Variants in BCAN observed in about 807,000 individuals in gnomAD.
The protein encoded by BCAN is brevican core protein.
A neutral mutation model predicts 92.4 loss-of-function variants in BCAN; 51 were observed. The observed-to-expected ratio is 0.55, with a 90% CI of 0.44 to 0.70. BCAN has a LOEUF of 0.70. Ranked by LOEUF, BCAN falls within the 30% of genes least tolerant of loss-of-function variation. The pLI, the probability that BCAN is intolerant of heterozygous loss-of-function variation, is 0.00. For missense variants in BCAN, 1,140 were observed against 1,212.1 expected (o/e 0.94, Z 0.88); for synonymous variants, 501 against 505.2 (o/e 0.99, Z 0.11).
At chr1:156,655,386 G>A (rs1679294515) in intron 8 of BCAN, among the ~76,000 whole-genome samples, 1 of 152,240 alleles carries the variant, frequency 6.6e-6, no homozygotes, top group Non-Finnish European at 1.5e-5. Flanking sequence ...CTGGAGGAGA[G>A]GGAGCCAGAA....
At chr1:156,655,326 G>C (rs532723466) in intron 8 of BCAN, among the ~76,000 whole-genome samples, 2 of 152,254 alleles carry the variant, frequency 1.3e-5, no homozygotes, top group Non-Finnish European at 2.9e-5. Flanking sequence ...GCTAGATCCA[G>C]GCAACAGATT....
Position 156,652,907 on chromosome 1 carries a change from G to T in BCAN, c.1942+15G>T. ...CCCCGCATCAGGTAATTCTGCCCAAGGCTCAACTGCCCTCTCTATCCTACT... is the reference window on the plus strand; with the variant it reads ...CCCCGCATCAGGTAATTCTGCCCAATGCTCAACTGCCCTCTCTATCCTACT... On this transcript the variant is annotated intron_variant, in intron 8 of 13. Coordinates refer to ENST00000329117, the MANE Select transcript of BCAN (RefSeq NM_021948.5). The T allele has an allele frequency of 6.2e-7, 1 of 1,613,054 alleles. No homozygotes were observed. The highest frequency in any genetic ancestry group is 1.3e-5 in the African/African-American group (1 of 75,028).
Position 156,647,755 on chromosome 1 carries a change from G to T in BCAN, c.641+73G>T, listed in dbSNP as rs914159738. On this transcript the variant is annotated intron_variant, in intron 4 of 13. Transcript: ENST00000329117. This position sits in a 1 kb window ranked among gnomAD's most constrained non-coding sequence, Gnocchi z 4.8. Reference sequence around the variant, plus strand: ...CATGGCCCCCCTTCTGCTGGGTGCTGCCTGCTGTGTCAGGCTGGACATGCA... The same window carrying T: ...CATGGCCCCCCTTCTGCTGGGTGCTTCCTGCTGTGTCAGGCTGGACATGCA... The T allele has an allele frequency of 1.1e-5, 17 of 1,557,434 alleles. No individual in the cohort carries two copies. The Admixed American group carries it at 1.7e-4, about 16-fold the overall frequency.
At chr1:156,656,148 C>A (rs561055002) in intron 8 of BCAN, 134 bp from the exon 9 acceptor site, 2 of 497,448 alleles carry the variant, frequency 4.0e-6, no homozygotes, top group East Asian at 3.5e-5. Context: ...CTAGGGAGAA[C>A]TTTTAGGGTG....
intron 5 of BCAN, 37 bp from the exon 6 acceptor site, chr1:156,648,531 A>G: frequency 6.5e-7 from 1 of 1,545,316 alleles, no homozygotes; most frequent in Non-Finnish European, 8.8e-7. Flanking sequence ...AGGAGCTACC[A>G]GCTGCCTGAT....
At chr1:156,645,676 A>G (rs1678938242) in intron 1 of BCAN, among the ~76,000 whole-genome samples, 1 of 152,200 alleles carries the variant, frequency 6.6e-6, no homozygotes, top group South Asian at 2.1e-4. Context: ...CTGAGCTCCT[A>G]CTGTCTGCCT....
rs749497630 is a variant in BCAN at position 156,648,127 on chromosome 1, G to A, written c.769+17G>A. The A allele has an allele frequency of 3.3e-5, 53 of 1,606,700 alleles. No homozygotes were observed. The highest frequency in any genetic ancestry group is 4.2e-5 in the Non-Finnish European group (49 of 1,173,938). On this transcript the variant is annotated intron_variant, in intron 5 of 13. Coordinates refer to ENST00000329117, the MANE Select transcript of BCAN (RefSeq NM_021948.5). Reference sequence around the variant, plus strand: ...ACCTAAATGGTGATTAGGAGTGAGAGGTTCCCAGGGGACAATTTCCTACTC... The same window carrying A: ...ACCTAAATGGTGATTAGGAGTGAGAAGTTCCCAGGGGACAATTTCCTACTC...
In BCAN at chr1:156,647,966, C is replaced by A. The variant is rs1224044069; in HGVS notation, c.642-17C>A. 1 of 1,612,148 alleles carries A rather than the reference C, an allele frequency of 6.2e-7. No individual in the cohort carries two copies. ...GTGAAAGCATCTGTACTAAGTGATT[C>A]TGTCCTTCCTCCCTAGGTATCCCAT... On this transcript the variant is annotated splice_polypyrimidine_tract_variant and intron_variant, in intron 4 of 13. Coordinates refer to ENST00000329117, the MANE Select transcript of BCAN (RefSeq NM_021948.5). This position sits in a 1 kb window ranked among gnomAD's most constrained non-coding sequence, Gnocchi z 4.8.
Position 156,646,835 on chromosome 1 carries a change from C to CT in BCAN, c.126_127insT (p.Ala43CysfsTer96). On this transcript the variant is annotated frameshift_variant, in exon 3 of 14. Coordinates refer to ENST00000329117, the MANE Select transcript of BCAN (RefSeq NM_021948.5). LOFTEE classifies it high-confidence loss of function. ...CTTTTCGCGTGCGCATCGCGGGCGACGCGCCACTGCAGGGCGTGCTCGGCG... is the reference window on the plus strand; with the variant it reads ...CTTTTCGCGTGCGCATCGCGGGCGACTGCGCCACTGCAGGGCGTGCTCGGCG... 1 of 1,582,552 alleles carries CT rather than the reference C, an allele frequency of 6.3e-7. No individual in the cohort carries two copies. The highest frequency in any genetic ancestry group is 8.6e-7 in the Non-Finnish European group (1 of 1,165,870).
In BCAN at chr1:156,647,437, T is replaced by C; in HGVS notation, c.467-71T>C. ...TTATTTACCCTTGTGTACAGAGGAG[T>C]GACAAGGAGGGTGAGGGGAGGCCAG... On this transcript the variant is annotated intron_variant, in intron 3 of 13. Coordinates refer to ENST00000329117, the MANE Select transcript of BCAN (RefSeq NM_021948.5). This position sits in a 1 kb window ranked among gnomAD's most constrained non-coding sequence, Gnocchi z 4.8. 1 of 1,413,714 alleles carries C rather than the reference T, an allele frequency of 7.1e-7. No individual in the cohort carries two copies. The allele number at this position is 1,413,714 out of a possible 1,614,324, so 87.6% of individuals were successfully genotyped here.
chr1:156,650,150 G>GTAA (rs201557237), intron 6 of BCAN, among the ~76,000 whole-genome samples: 4 of 151,666 alleles, frequency 2.6e-5, no homozygotes, highest in East Asian at 1.9e-4. Context: ...AGTAGTAGTA[G>GTAA]TAATAATAAT....
Position 156,652,635 on chromosome 1 carries a change from C to G in BCAN, c.1685C>G (p.Ala562Gly). The G allele has an allele frequency of 1.2e-6, 2 of 1,613,860 alleles. No individual in the cohort carries two copies. The highest frequency in any genetic ancestry group is 1.7e-6 in the Non-Finnish European group (2 of 1,179,808). Residue 562 changes from alanine to glycine, a missense_variant, in exon 8 of 14, where the codon GCA (alanine) becomes GGA (glycine). Transcript: ENST00000329117. ...CCATCACCTTCCACTCTGGTTGAGG[C>G]AAGAGAGGTGGGGGAGGCAACTGGT... Reference protein sequence around the residue: ...ASPSPSTLVEAREVGEATGGP... With the variant: ...ASPSPSTLVEGREVGEATGGP...
chr1:156,648,768 G>C lies in BCAN; in HGVS notation c.970G>C (p.Gly324Arg), dbSNP rs1571441921. Residue 324 changes from glycine to arginine, a missense_variant, in exon 6 of 14, where the codon GGG becomes CGG. Gly to Arg is a moderately radical substitution (Grantham distance 125). Around this residue, in one of 3 missense-constraint regions of BCAN, gnomAD observed 825 missense variants for 871.8 expected, o/e 0.95. Coordinates refer to ENST00000329117, the MANE Select transcript of BCAN (RefSeq NM_021948.5). ...PIVTPSQRCG[G>R]GLPGVKTLFL... ...CGTCACACCCAGCCAGCGCTGTGGT[G>C]GGGGCTTGCCTGGTGTCAAGACTCT... 1 of 1,610,542 alleles carries C rather than the reference G, an allele frequency of 6.2e-7. No individual in the cohort carries two copies. The highest frequency in any genetic ancestry group is 2.2e-5 in the East Asian group (1 of 44,770).
rs1247593547 is a variant in BCAN, at chr1:156,659,031, G to A, written c.2633G>A (p.Arg878Gln). ...QISCVPRRPA[R>Q]ALHPEEDPEG... ...GTGAGTGTGTGTCTTCCCCAGGCCC[G>A]AGCTCTGCACCCAGAGGAGGACCCA... Residue 878 changes from arginine (R) to glutamine (Q), a missense_variant, in exon 14 of 14, where the codon CGA becomes CAA. Physicochemically the swap from Arg to Gln is conservative, Grantham distance 43 (BLOSUM62 1). Coordinates refer to ENST00000329117, the MANE Select transcript of BCAN (RefSeq NM_021948.5). The A allele has an allele frequency of 1.3e-6, 2 of 1,596,934 alleles. No homozygotes were observed. The highest frequency in any genetic ancestry group is 1.7e-6 in the Non-Finnish European group (2 of 1,173,448).
rs750657832 is a variant in BCAN, at chr1:156,647,604, C to T, written c.563C>T (p.Thr188Ile). 6.2e-7 allele frequency: 1 copy of T among 1,613,278 alleles called. No individual in the cohort carries two copies. ...ACARIGAHIA[T>I]PEQLYAAYLG... ...GCCCGCATTGGAGCCCACATCGCCACCCCGGAGCAGCTCTATGCCGCCTAC... is the reference window on the plus strand; with the variant it reads ...GCCCGCATTGGAGCCCACATCGCCATCCCGGAGCAGCTCTATGCCGCCTAC... Residue 188 changes from threonine (T) to isoleucine (I), a missense_variant, in exon 4 of 14, where the codon ACC (threonine) becomes ATC (isoleucine). By Grantham distance (89) the Thr-to-Ile change is moderately conservative (BLOSUM62 -1). Around this residue, in one of 3 missense-constraint regions of BCAN, gnomAD observed 286 missense variants for 284.1 expected, o/e 1.01. Transcript: ENST00000329117. The surrounding 1 kb of genome is among the most constrained non-coding windows in gnomAD (Gnocchi z 4.8).
At position 156,647,470 on chromosome 1, in the gene BCAN, G is replaced by A; in HGVS notation, c.467-38G>A. 1 of 1,514,444 alleles carries A rather than the reference G, an allele frequency of 6.6e-7. No homozygotes were observed. Among genetic ancestry groups the A allele is most frequent in the South Asian group, 1.3e-5 (1 of 75,954 alleles). The allele number at this position is 1,514,444 out of a possible 1,614,324, so 93.8% of individuals were successfully genotyped here. A position where few individuals can be genotyped will look rare whatever the true frequency, so the allele number is the denominator to read the frequency against. On this transcript the variant is annotated intron_variant, in intron 3 of 13. Coordinates refer to ENST00000329117, the MANE Select transcript of BCAN (RefSeq NM_021948.5). This position sits in a 1 kb window ranked among gnomAD's most constrained non-coding sequence, Gnocchi z 4.8. ...AGGGTGAGGGGAGGCCAGCGTGCTG[G>A]GTGCTCACCTGGCTCAGGGGTCCTC... is the stretch of plus-strand genomic sequence containing the variant.
intron 6 of BCAN, among the ~76,000 whole-genome samples, chr1:156,650,309 C>T (rs1282752105): frequency 2.0e-5 from 3 of 152,078 alleles, no homozygotes; most frequent in Non-Finnish European, 4.4e-5. Context: ...AGGACACAGG[C>T]AGCAAGGACA....
chr1:156,646,917 G>A lies in BCAN; in HGVS notation c.208G>A (p.Ala70Thr), dbSNP rs764228796. ...HYLRPPPSRR[A>T]VLGSPRVKWT... The stretch of plus-strand genomic sequence containing the variant: ...CCTGCGGCCACCGCCGAGCCGCCGG[G>A]CTGTGCTGGGCTCTCCGCGGGTCAA... The change falls in exon 3 of 14, where the codon GCT becomes ACT. Residue 70 changes from alanine to threonine, a missense_variant. Coordinates refer to ENST00000329117, the MANE Select transcript of BCAN (RefSeq NM_021948.5). 6.2e-7 allele frequency: 1 copy of A among 1,612,030 alleles called. No homozygotes were observed. The highest frequency in any genetic ancestry group is 1.1e-5 in the South Asian group (1 of 91,018).
chr1:156,651,153 G>T (rs1679149480), intron 6 of BCAN, among the ~76,000 whole-genome samples: 1 of 152,216 alleles, frequency 6.6e-6, no homozygotes, highest in African/African-American at 2.4e-5. Flanking sequence ...TATCTTGTAA[G>T]ATTATAATAT....
Sources: allele counts gnomAD v4.1 joint callset (sites outside exome capture counted in the v4.1 genomes callset), GRCh38; gene constraint gnomAD v4.1.1; regional missense constraint gnomAD v4.1.1; non-coding constraint Gnocchi (gnomAD v3.1); transcripts MANE v1.5; gene names NCBI Gene and HGNC (gene_info 2026-07-23, HGNC 2026-07-21).